The following HERC1 variants were observed in gnomAD, a reference collection of about 807,000 sequenced individuals.
HERC1 encodes the protein probable E3 ubiquitin-protein ligase HERC1.
HERC1 carries 160 observed loss-of-function variants against 554.3 expected under a neutral mutation model. That is an observed-to-expected ratio of 0.29 (90% CI 0.25 to 0.33). The LOEUF (loss-of-function observed/expected upper bound fraction) is 0.33, where lower values mean the gene tolerates loss of function less well. HERC1 is among the 10% of genes least tolerant of loss of function. The pLI, the probability that HERC1 is intolerant of heterozygous loss-of-function variation, is 1.00. For missense variants in HERC1, 4,919 were observed against 5,918.5 expected, an observed-to-expected ratio of 0.83 and a Z score of 5.54; for synonymous variants, 2,175 against 2,131.7, an observed-to-expected ratio of 1.02 and a Z score of -0.56.
At chr15:63,723,482 A>C in intron 18 of HERC1, 127 bp from the exon 19 acceptor site, 1 of 658,126 alleles carries the variant, frequency 1.5e-6, no homozygotes, top group Admixed American at 3.1e-5. Flanking sequence ...GATGCTACCA[A>C]GGTAAAGTCC....
chr15:63,796,401 A>G (rs1391183067), intron 1 of HERC1, among the ~76,000 whole-genome samples: 1 of 152,242 alleles, frequency 6.6e-6, no homozygotes, highest in Non-Finnish European at 1.5e-5. Context: ...AACTCACAAA[A>G]CTGAAACCAT....
intron 1 of HERC1, among the ~76,000 whole-genome samples, chr15:63,829,491 TATATATATACAC>T (rs1567171589): frequency 8.7e-5 from 10 of 114,522 alleles, no homozygotes; most frequent in South Asian, 7.4e-4. Context: ...TATATATATA[TATATATATACAC>T]ACACACACAT....
chr15:63,732,807 G>C, intron 14 of HERC1, 117 bp downstream of exon 14: 2 of 660,486 alleles, frequency 3.0e-6, no homozygotes, highest in Non-Finnish European at 5.3e-6. Context: ...TTTTCCCCTT[G>C]GGGGAGAGGG....
At chr15:63,661,632 A>C (rs1595916306) in intron 45 of HERC1, 121 bp downstream of exon 45, 2 of 1,032,046 alleles carry the variant, frequency 1.9e-6, no homozygotes, top group East Asian at 2.4e-5. Flanking sequence ...CCAAAGTGTA[A>C]GAATCACGGG....
At chr15:63,622,935 T>C (rs1305050836) in intron 73 of HERC1, 44 bp from the exon 74 acceptor site, 1 of 1,255,298 alleles carries the variant, frequency 8.0e-7, no homozygotes, top group Admixed American at 2.2e-5. Context: ...GACAATCAAA[T>C]GCATGAAGAG....
At chr15:63,725,270 A>G in intron 18 of HERC1, 22 bp downstream of exon 18, 1 of 1,598,168 alleles carries the variant, frequency 6.3e-7, no homozygotes, top group Non-Finnish European at 8.6e-7. Context: ...TGTATTTTAA[A>G]TGCTGCAGAG....
chr15:63,776,252 T>C lies in HERC1; in HGVS notation c.-26-603A>G, dbSNP rs564380012. The stretch of plus-strand genomic sequence containing the variant: ...CATGGCTATCTAACAGTTTTGGTTA[T>C]GGTTGGATATCTCAAAATTAACATA... On this transcript the variant is annotated intron_variant, in intron 1 of 77. Coordinates refer to ENST00000443617, the MANE Select transcript of HERC1 (RefSeq NM_003922.4). Among the ~76,000 whole-genome samples, 11 of 152,296 alleles carry C rather than the reference T, an allele frequency of 7.2e-5. No individual in the cohort carries two copies. The South Asian group carries it at 8.3e-4, about 11-fold the overall frequency.
intron 24 of HERC1, among the ~76,000 whole-genome samples, chr15:63,707,564 T>C (rs904146516): frequency 3.3e-5 from 5 of 152,106 alleles, no homozygotes; most frequent in Non-Finnish European, 7.4e-5. Flanking sequence ...AGACTTGACA[T>C]TATGGTATCA....
intron 48 of HERC1, among the ~76,000 whole-genome samples, chr15:63,657,531 T>C (rs1056902753): frequency 6.6e-6 from 1 of 152,184 alleles, no homozygotes; most frequent in African/African-American, 2.4e-5. Context: ...ACACATTCTG[T>C]TGGTTAGATG....
chr15:63,776,183 C>G (rs2076108995), intron 1 of HERC1, among the ~76,000 whole-genome samples: 1 of 152,150 alleles, frequency 6.6e-6, no homozygotes, highest in South Asian at 2.1e-4. Flanking sequence ...GGCCTTCTCC[C>G]TAAATCCAAA....
chr15:63,773,614 G>A (rs1485728261), intron 2 of HERC1, among the ~76,000 whole-genome samples: 1 of 151,206 alleles, frequency 6.6e-6, no homozygotes, highest in Non-Finnish European at 1.5e-5. Flanking sequence ...CATGATCTCT[G>A]CTCACTGCAA....
chr15:63,671,870 A>C (rs2152968973), intron 39 of HERC1, among the ~76,000 whole-genome samples: 1 of 152,360 alleles, frequency 6.6e-6, no homozygotes, highest in Middle Eastern at 3.4e-3. Flanking sequence ...AGTCATAGTT[A>C]AGAGAGCTCA....
chr15:63,662,142 A>G (rs1595917402), intron 44 of HERC1, 121 bp from the exon 45 acceptor site: 1 of 1,062,218 alleles, frequency 9.4e-7, no homozygotes, highest in East Asian at 2.6e-5. Flanking sequence ...CAACATGTTC[A>G]TTAATGCTAA....
At chr15:63,675,272 A>C in intron 37 of HERC1, 155 bp from the exon 38 acceptor site, 45 of 561,582 alleles carry the variant, frequency 8.0e-5, no homozygotes, top group Non-Finnish European at 6.7e-5. Context: ...CACAGAGAAA[A>C]ACGAGTCTAT....
intron 2 of HERC1, among the ~76,000 whole-genome samples, chr15:63,771,410 A>T (rs1293142089): frequency 6.6e-6 from 1 of 151,544 alleles, no homozygotes; most frequent in Non-Finnish European, 1.5e-5. Flanking sequence ...CCCAGAATAG[A>T]TCTAGAATTC....
chr15:63,645,210 T>G (rs2069272653), intron 56 of HERC1, 113 bp from the exon 57 acceptor site: 2 of 808,600 alleles, frequency 2.5e-6, no homozygotes, highest in African/African-American at 3.4e-5. Flanking sequence ...TTTTTTAAAC[T>G]TATTTGTAGT....
Position 63,641,484 on chromosome 15 carries a change from A to G in HERC1, c.11593T>C (p.Tyr3865His). Residue 3865 changes from tyrosine (Y) to histidine (H), a missense_variant, in exon 60 of 78, where the codon TAT becomes CAT. Transcript: ENST00000443617. ...ERLPMMLQEQ[Y>H]AYEKPHVVCG... ...TAATGAGTTACCTTTTCATAGGCATACTGCTCCTGAAGCATCATGGGGAGC... is the reference window on the plus strand; with the variant it reads ...TAATGAGTTACCTTTTCATAGGCATGCTGCTCCTGAAGCATCATGGGGAGC... 1 of 1,612,248 alleles carries G rather than the reference A, an allele frequency of 6.2e-7. No individual in the cohort carries two copies. The highest frequency in any genetic ancestry group is 8.5e-7 in the Non-Finnish European group (1 of 1,178,942).
intron 55 of HERC1, among the ~76,000 whole-genome samples, chr15:63,647,235 A>G (rs895955892): frequency 6.6e-6 from 1 of 151,920 alleles, no homozygotes; most frequent in Non-Finnish European, 1.5e-5. Context: ...GCCTGGGCGA[A>G]AAAGCTAGAC....
At chr15:63,738,532 A>G (rs1295245047) in intron 12 of HERC1, among the ~76,000 whole-genome samples, 1 of 152,184 alleles carries the variant, frequency 6.6e-6, no homozygotes, top group Non-Finnish European at 1.5e-5. Context: ...ATATTTCCTT[A>G]AGTCTACAGG....
Sources: allele counts gnomAD v4.1 joint callset (sites outside exome capture counted in the v4.1 genomes callset), GRCh38; gene constraint gnomAD v4.1.1; transcripts MANE v1.5; gene names NCBI Gene and HGNC (gene_info 2026-07-23, HGNC 2026-07-21).